DCC: variants seen among roughly 807,000 people sequenced by gnomAD.
The protein encoded by DCC is netrin receptor DCC.
Under a neutral mutation model 172.5 loss-of-function variants are expected in DCC, and 58 were observed. The ratio of observed to expected loss-of-function variants is 0.34; its 90% CI spans 0.27 to 0.42. The LOEUF (loss-of-function observed/expected upper bound fraction) is 0.42. Among genes scored for constraint, DCC ranks in the 10% least tolerant of loss-of-function variants. The pLI is 1.00. For synonymous variants in DCC, 709 were observed against 644.5 expected (o/e 1.10, Z -1.52); for missense variants, 1,740 against 1,791.0 (o/e 0.97, Z 0.51).
intron 1 of DCC, among the ~76,000 whole-genome samples, chr18:52,507,662 A>G (rs2031280290): frequency 1.3e-5 from 2 of 152,206 alleles, no homozygotes; most frequent in African/African-American, 4.8e-5. Flanking sequence ...TTGTCCATCA[A>G]TGTGTCCCCA....
intron 13 of DCC, among the ~76,000 whole-genome samples, chr18:53,321,177 C>T (rs2057407669): frequency 6.6e-6 from 1 of 152,070 alleles, no homozygotes; most frequent in Admixed American, 6.6e-5. Context: ...CAAATATTTG[C>T]ACTATTTCAG....
chr18:53,188,989 A>C (rs574814640), intron 9 of DCC, among the ~76,000 whole-genome samples: 5 of 152,284 alleles, frequency 3.3e-5, no homozygotes, highest in Admixed American at 6.5e-5. Flanking sequence ...TATGTCATCA[A>C]ATAAGGTCAC....
At chr18:53,474,716 C>CT in intron 25 of DCC, among the ~76,000 whole-genome samples, 1 of 152,308 alleles carries the variant, frequency 6.6e-6, no homozygotes, top group Non-Finnish European at 1.5e-5. Context: ...ACAGGTATGT[C>CT]TTTATCAGCA....
At chr18:52,407,207 G>A (rs1986683408) in intron 1 of DCC, among the ~76,000 whole-genome samples, 1 of 152,056 alleles carries the variant, frequency 6.6e-6, no homozygotes, top group African/African-American at 2.4e-5. Context: ...AGCCAGTCCT[G>A]AGTCTATCCT....
intron 5 of DCC, among the ~76,000 whole-genome samples, chr18:52,963,262 T>C (rs2145572653): frequency 6.6e-6 from 1 of 151,982 alleles, no homozygotes; most frequent in African/African-American, 2.4e-5. Flanking sequence ...TTTATTTCTT[T>C]ATATCTTATT....
intron 1 of DCC, among the ~76,000 whole-genome samples, chr18:52,367,742 G>T (rs1239819274): frequency 6.6e-6 from 1 of 152,198 alleles, no homozygotes; most frequent in African/African-American, 2.4e-5. Context: ...GGGGTGCAGA[G>T]AATCTGAAGC....
At chr18:52,602,928 A>C (rs527259012) in intron 1 of DCC, among the ~76,000 whole-genome samples, 1 of 152,222 alleles carries the variant, frequency 6.6e-6, no homozygotes, top group South Asian at 2.1e-4. Context: ...GCTGCCTGAC[A>C]TAATGCAAAG....
intron 1 of DCC, among the ~76,000 whole-genome samples, chr18:52,587,623 C>T (rs559049597): frequency 6.6e-6 from 1 of 152,348 alleles, no homozygotes; most frequent in South Asian, 2.1e-4. Context: ...ACACATCTGG[C>T]CATTTCTTCT....
At chr18:53,161,203 T>G (rs1478820711) in intron 8 of DCC, among the ~76,000 whole-genome samples, 1 of 152,214 alleles carries the variant, frequency 6.6e-6, no homozygotes, top group African/African-American at 2.4e-5. Flanking sequence ...AATTATTTTG[T>G]TCCTAGAATG....
intron 2 of DCC, among the ~76,000 whole-genome samples, chr18:52,863,284 T>A (rs1008957044): frequency 6.6e-6 from 1 of 151,954 alleles, no homozygotes; most frequent in African/African-American, 2.4e-5. Context: ...TCTAGTAGTT[T>A]TAATCATACA....
At chr18:52,785,970 A>G (rs1447844417) in intron 2 of DCC, among the ~76,000 whole-genome samples, 1 of 152,058 alleles carries the variant, frequency 6.6e-6, no homozygotes, top group East Asian at 1.9e-4. Flanking sequence ...CTATAAGGAT[A>G]ATAATTAAGC....
At position 52,423,946 on chromosome 18, in the gene DCC, C is replaced by T. The variant is rs117491704; in HGVS notation, c.91+83068C>T. 1.9e-3 allele frequency among the ~76,000 whole-genome samples: 283 copies of T among 152,216 alleles called. 6 individuals carry two copies. In the East Asian group the frequency reaches 0.044, roughly 24 times the overall value. On this transcript the variant is annotated intron_variant, in intron 1 of 28. Coordinates refer to ENST00000442544, the MANE Select transcript of DCC (RefSeq NM_005215.4). ...TTTTTTTCCAAGACCCTTTCGCTTC[C>T]GTTCCGATAATGTCTCTAGGACCAA...
chr18:52,681,163 A>T lies in DCC; in HGVS notation c.92-70891A>T, dbSNP rs555178316. Among the ~76,000 whole-genome samples, 6 of 152,234 alleles carry T rather than the reference A, an allele frequency of 3.9e-5. No homozygotes were observed. The South Asian group carries it at 1.2e-3, about 32-fold the overall frequency. On this transcript the variant is annotated intron_variant, in intron 1 of 28. Coordinates refer to ENST00000442544, the MANE Select transcript of DCC (RefSeq NM_005215.4). ...TCCCATTTTACAGAGAAGAATGCAG[A>T]AGTCTAGACAAGTCAAATGGTATTT...
intron 7 of DCC, 133 bp from the exon 8 acceptor site, chr18:53,157,223 G>A: frequency 9.3e-7 from 1 of 1,074,786 alleles, no homozygotes; most frequent in Non-Finnish European, 1.4e-6. Flanking sequence ...GCATTCCCTT[G>A]GTTTTCTTCC....
intron 12 of DCC, among the ~76,000 whole-genome samples, chr18:53,272,118 T>G (rs2056756026): frequency 6.6e-6 from 1 of 152,094 alleles, no homozygotes; most frequent in African/African-American, 2.4e-5. Flanking sequence ...AACTGAGTAA[T>G]TTGTTTCACC....
At chr18:52,505,867 A>G (rs2031212640) in intron 1 of DCC, among the ~76,000 whole-genome samples, 1 of 152,204 alleles carries the variant, frequency 6.6e-6, no homozygotes, top group Non-Finnish European at 1.5e-5. Flanking sequence ...AAATTCTGAA[A>G]CAGCTGTAAT....
chr18:53,219,453 C>T (rs999377426), intron 12 of DCC, among the ~76,000 whole-genome samples: 1 of 152,068 alleles, frequency 6.6e-6, no homozygotes, highest in Non-Finnish European at 1.5e-5. Flanking sequence ...AGTATTAACT[C>T]CCCTTTCCCC....
intron 15 of DCC, among the ~76,000 whole-genome samples, chr18:53,360,300 T>G (rs1278128301): frequency 2.0e-5 from 3 of 152,276 alleles, no homozygotes; most frequent in Non-Finnish European, 4.4e-5. Flanking sequence ...AGTTGATTAC[T>G]TCTAGCAATG....
intron 1 of DCC, among the ~76,000 whole-genome samples, chr18:52,661,456 G>T (rs1288437448): frequency 6.6e-6 from 1 of 152,212 alleles, no homozygotes; most frequent in Non-Finnish European, 1.5e-5. Context: ...TAGGGACTAA[G>T]TGAAAGGCAG....
Sources: gnomAD v4.1 joint callset for allele counts (sites outside exome capture counted in the v4.1 genomes callset) on GRCh38, gnomAD v4.1.1 for gene constraint, MANE v1.5 for transcripts, NCBI Gene and HGNC (gene_info 2026-07-23, HGNC 2026-07-21) for gene names.